Variants in SLC9A9 observed in about 807,000 individuals in gnomAD.
SLC9A9 encodes the protein solute carrier family 9 member A9.
Under a neutral mutation model 77.8 loss-of-function variants are expected in SLC9A9, and 62 were observed. That is an observed-to-expected ratio of 0.80 (90% CI 0.65 to 0.98). SLC9A9 has a LOEUF of 0.98. SLC9A9 is among the 50% of genes least tolerant of loss of function. SLC9A9 has a pLI of 0.00. For missense variants in SLC9A9, 775 were observed against 774.9 expected (o/e 1.00, Z 0.00); for synonymous variants, 320 against 283.5 (o/e 1.13, Z -1.29).
chr3:143,755,825 A>ATG lies in SLC9A9; in HGVS notation c.533+39174_533+39175dup, dbSNP rs139562310. 8.4e-3 allele frequency among the ~76,000 whole-genome samples: 1,278 copies of ATG among 151,276 alleles called. 12 individuals are homozygous for ATG. Among genetic ancestry groups the ATG allele is most frequent in the African/African-American group, 0.028 (1,164 of 41,322 alleles). ...TTCTATTATAGATATGTACAAATGC[A>ATG]TGTGTGTGTGTGTGTGTCTGTGTGT... On this transcript the variant is annotated intron_variant, in intron 4 of 15. Coordinates refer to ENST00000316549, the MANE Select transcript of SLC9A9 (RefSeq NM_173653.4).
intron 9 of SLC9A9, chr3:143,517,170 C>A: frequency 2.0e-6 from 3 of 1,509,544 alleles, no homozygotes; most frequent in Non-Finnish European, 2.7e-6. Context: ...AGATTCATAA[C>A]CTTTGAGTTG....
At chr3:143,798,650 AGTG>A (rs956601707) in intron 2 of SLC9A9, among the ~76,000 whole-genome samples, 1 of 152,202 alleles carries the variant, frequency 6.6e-6, no homozygotes, top group African/African-American at 2.4e-5. Context: ...GAAACTCGAC[AGTG>A]GTTCCAAACA....
At chr3:143,517,666 C>T (rs2036228178) in intron 9 of SLC9A9, 2 of 1,597,372 alleles carry the variant, frequency 1.3e-6, no homozygotes, top group African/African-American at 1.3e-5. Context: ...GTGCTTTCGC[C>T]CGCCACTTGT....
chr3:143,413,432 C>T (rs1231202067), intron 12 of SLC9A9, among the ~76,000 whole-genome samples: 1 of 152,196 alleles, frequency 6.6e-6, no homozygotes, highest in Non-Finnish European at 1.5e-5. Context: ...ACAAGACTCA[C>T]CCACTCATTC....
intron 6 of SLC9A9, among the ~76,000 whole-genome samples, chr3:143,591,195 A>G (rs2037639033): frequency 6.6e-6 from 1 of 152,240 alleles, no homozygotes; most frequent in African/African-American, 2.4e-5. Context: ...TTAGCAATTA[A>G]GTGAGCATCT....
intron 10 of SLC9A9, among the ~76,000 whole-genome samples, chr3:143,494,854 C>A (rs1238297044): frequency 6.6e-6 from 1 of 152,184 alleles, no homozygotes; most frequent in African/African-American, 2.4e-5. Context: ...AAAGCACATG[C>A]ATCATGCTAA....
At position 143,266,924 on chromosome 3, in the gene SLC9A9, C is replaced by T. The variant is rs909090039; in HGVS notation, c.1716G>A (p.Gln572=). 1.2e-6 allele frequency: 2 copies of T among 1,613,794 alleles called. No homozygotes were observed. The highest frequency in any genetic ancestry group is 1.7e-6 in the Non-Finnish European group (2 of 1,179,874). ...TGCATTCCACATCATCCTCTTTTAG[C>T]TGTTCCTGGTTGGGAAAAGAGAGAG... is the stretch of plus-strand genomic sequence containing the variant. ...LLTSPQAYGE[Q]LKEDDVECIV... Residue 572 remains glutamine (Q), a synonymous_variant, in exon 16 of 16, where the codon CAG becomes CAA. Coordinates refer to ENST00000316549, the MANE Select transcript of SLC9A9 (RefSeq NM_173653.4).
At chr3:143,460,490 C>T (rs2035172086) in intron 12 of SLC9A9, among the ~76,000 whole-genome samples, 1 of 151,968 alleles carries the variant, frequency 6.6e-6, no homozygotes, top group South Asian at 2.1e-4. Flanking sequence ...AAAGTAAGGA[C>T]ACCATATTGG....
intron 13 of SLC9A9, among the ~76,000 whole-genome samples, chr3:143,370,904 G>A (rs1338136709): frequency 6.6e-6 from 1 of 151,976 alleles, no homozygotes; most frequent in Non-Finnish European, 1.5e-5. Flanking sequence ...GAAGAAATGA[G>A]GTGAGCCCTC....
chr3:143,676,902 G>A (rs935012838), intron 5 of SLC9A9, among the ~76,000 whole-genome samples: 10 of 152,206 alleles, frequency 6.6e-5, no homozygotes, highest in African/African-American at 2.2e-4. Context: ...CTTGTGAGTT[G>A]TAAATCTGAA....
At chr3:143,775,981 A>T (rs1019566705) in intron 4 of SLC9A9, among the ~76,000 whole-genome samples, 19 of 152,216 alleles carry the variant, frequency 1.2e-4, no homozygotes, top group African/African-American at 4.6e-4. Context: ...AAGCACTGGG[A>T]TAATTTTACC....
At chr3:143,696,598 G>A (rs1020310678) in intron 4 of SLC9A9, among the ~76,000 whole-genome samples, 19 of 152,078 alleles carry the variant, frequency 1.2e-4, no homozygotes, top group Admixed American at 1.2e-3. Context: ...ACTTCACCTT[G>A]GCCCTTTGTC....
intron 14 of SLC9A9, among the ~76,000 whole-genome samples, chr3:143,299,525 C>G (rs1408159580): frequency 6.6e-6 from 1 of 151,802 alleles, no homozygotes; most frequent in Non-Finnish European, 1.5e-5. Flanking sequence ...CTCACTGCAA[C>G]CTCCGCCTCC....
intron 14 of SLC9A9, among the ~76,000 whole-genome samples, chr3:143,306,060 T>TAA (rs561374919): frequency 8.0e-5 from 12 of 149,114 alleles, no homozygotes; most frequent in African/African-American, 2.7e-4. Context: ...GGAATTTCTT[T>TAA]AAAAAAAAAA....
At chr3:143,822,055 T>C (rs977837925) in intron 2 of SLC9A9, among the ~76,000 whole-genome samples, 1 of 152,146 alleles carries the variant, frequency 6.6e-6, no homozygotes, top group African/African-American at 2.4e-5. Flanking sequence ...CTTTCCAGAG[T>C]GACCCACATC....
In SLC9A9 at chr3:143,319,762, A is replaced by G. The variant is rs552145534; in HGVS notation, c.1604+43722T>C. Among the ~76,000 whole-genome samples the G allele has an allele frequency of 2.6e-5, 4 of 152,346 alleles. No homozygotes were observed. The South Asian group carries it at 8.3e-4, about 32-fold the overall frequency. On this transcript the variant is annotated intron_variant, in intron 14 of 15. Coordinates refer to ENST00000316549, the MANE Select transcript of SLC9A9 (RefSeq NM_173653.4). ...AAGTGGGGAAGGTGACAAGCCAGTAAGGATGTCTGCTGAAATTGAAATTTA... is the reference window on the plus strand; with the variant it reads ...AAGTGGGGAAGGTGACAAGCCAGTAGGGATGTCTGCTGAAATTGAAATTTA...
chr3:143,326,787 A>G (rs1195606909), intron 14 of SLC9A9, among the ~76,000 whole-genome samples: 2 of 152,220 alleles, frequency 1.3e-5, no homozygotes, highest in African/African-American at 4.8e-5. Context: ...ACTGCATGGT[A>G]ACAAGGGCTG....
chr3:143,390,367 C>G (rs1198359069), intron 12 of SLC9A9, among the ~76,000 whole-genome samples: 1 of 152,174 alleles, frequency 6.6e-6, no homozygotes, highest in Non-Finnish European at 1.5e-5. Flanking sequence ...ACTTGTGTGA[C>G]TATGGGCAGG....
intron 12 of SLC9A9, among the ~76,000 whole-genome samples, chr3:143,442,121 G>T (rs1322395702): frequency 6.6e-6 from 1 of 152,150 alleles, no homozygotes; most frequent in Non-Finnish European, 1.5e-5. Context: ...GAGGGAGACA[G>T]GTTGCTGAGG....
Sources: gnomAD v4.1 joint callset for allele counts (sites outside exome capture counted in the v4.1 genomes callset) on GRCh38, gnomAD v4.1.1 for gene constraint, MANE v1.5 for transcripts, NCBI Gene and HGNC (gene_info 2026-07-23, HGNC 2026-07-21) for gene names.